MAP2K1: variants seen among roughly 807,000 people sequenced by gnomAD.
MAP2K1 encodes the protein mitogen-activated protein kinase kinase 1.
A neutral mutation model predicts 46.3 loss-of-function variants in MAP2K1; 16 were observed. That is an observed-to-expected ratio of 0.35 (90% CI 0.23 to 0.52). MAP2K1 has a LOEUF of 0.52. Among genes scored for constraint, MAP2K1 ranks in the 20% least tolerant of loss-of-function variants. MAP2K1 has a pLI of 0.94. For synonymous variants in MAP2K1, 183 were observed against 185.6 expected (o/e 0.99, Z 0.11); for missense variants, 263 against 497.1 (o/e 0.53, Z 4.48).
At chr15:66,423,284 A>C (rs11856317) in intron 1 of MAP2K1, among the ~76,000 whole-genome samples, 8,572 of 152,048 alleles carry the variant, frequency 0.056, 350 homozygotes, top group Middle Eastern at 0.11. Flanking sequence ...ACATGTTGTC[A>C]CCTTTAACAT....
At chr15:66,394,480 T>TTTTG in intron 1 of MAP2K1, among the ~76,000 whole-genome samples, 1 of 135,838 alleles carries the variant, frequency 7.4e-6, no homozygotes. Flanking sequence ...TTTTTTTTTT[T>TTTTG]GAGAGACAGG....
chr15:66,489,599 G>GA, intron 9 of MAP2K1, 119 bp from the exon 10 acceptor site: 1 of 832,400 alleles, frequency 1.2e-6, no homozygotes, highest in East Asian at 2.4e-5. Context: ...ACAGGAGGAT[G>GA]AATCAAGCCC....
At chr15:66,408,581 G>A (rs1377135846) in intron 1 of MAP2K1, among the ~76,000 whole-genome samples, 1 of 152,064 alleles carries the variant, frequency 6.6e-6, no homozygotes, top group African/African-American at 2.4e-5. Context: ...GGGGTCAAGA[G>A]GGGTGTTAAT....
intron 1 of MAP2K1, among the ~76,000 whole-genome samples, chr15:66,416,638 T>C (rs2093425307): frequency 1.3e-5 from 2 of 152,226 alleles, no homozygotes; most frequent in African/African-American, 4.8e-5. Flanking sequence ...TCCCTTTCTA[T>C]GTTTTTTCTC....
At chr15:66,402,213 C>T (rs1194485461) in intron 1 of MAP2K1, among the ~76,000 whole-genome samples, 1 of 152,148 alleles carries the variant, frequency 6.6e-6, no homozygotes, top group East Asian at 1.9e-4. Flanking sequence ...TAACATCTGT[C>T]ATCTCTACAC....
intron 5 of MAP2K1, among the ~76,000 whole-genome samples, chr15:66,448,807 G>T (rs920218096): frequency 6.6e-6 from 1 of 151,986 alleles, no homozygotes; most frequent in Non-Finnish European, 1.5e-5. Flanking sequence ...TTCAAGACCA[G>T]CCTGGCCAAC....
chr15:66,422,754 A>G (rs1215326280), intron 1 of MAP2K1, among the ~76,000 whole-genome samples: 1 of 151,136 alleles, frequency 6.6e-6, no homozygotes, highest in Non-Finnish European at 1.5e-5. Context: ...TTCGATCTGG[A>G]TGTTTGTTGT....
rs200607799 is a variant in MAP2K1, at chr15:66,478,507, T to TA, written c.569-3248_569-3247insA. ...ATATATAGAGGTATATATATATATA[T>TA]TTTTTTTTTGAGACAAGAGTGTCAC... On this transcript the variant is annotated intron_variant, in intron 5 of 10. Coordinates refer to ENST00000307102, the MANE Select transcript of MAP2K1 (RefSeq NM_002755.4). Among the ~76,000 whole-genome samples the TA allele has an allele frequency of 5.3e-3, 722 of 136,850 alleles. 3 individuals carry two copies. Among genetic ancestry groups the TA allele is most frequent in the East Asian group, 0.017 (84 of 5,006 alleles). The allele number at this position is 136,850 out of a possible 152,430, so 89.8% of individuals were successfully genotyped here.
At position 66,387,108 on chromosome 15, in the gene MAP2K1, G is replaced by A. The variant is rs1167019093; in HGVS notation, c.-240G>A. ...CGTTCAGCCCGCTCCGCTCCTGCAG[G>A]GCAGCCTTTCGGCTCTCTGCGCGCG... is the stretch of plus-strand genomic sequence containing the variant. On this transcript the variant is annotated 5_prime_UTR_variant, in exon 1 of 11. Transcript: ENST00000307102. The A allele has an allele frequency of 4.6e-6, 2 of 439,232 alleles. No homozygotes were observed. Among genetic ancestry groups the A allele is most frequent in the Non-Finnish European group, 8.0e-6 (2 of 249,822 alleles). The allele number at this position is 439,232 out of a possible 1,614,324, so 27.2% of individuals were successfully genotyped here.
At chr15:66,444,487 C>T (rs975570299) in intron 4 of MAP2K1, among the ~76,000 whole-genome samples, 169 bp from the exon 5 acceptor site, 6 of 152,134 alleles carry the variant, frequency 3.9e-5, no homozygotes, top group East Asian at 3.9e-4. Flanking sequence ...GAGCCGAGAT[C>T]GCGCCATTGC....
chr15:66,420,873 GTATATATATGTGTA>G (rs2093439385), intron 1 of MAP2K1, among the ~76,000 whole-genome samples: 1 of 101,416 alleles, frequency 9.9e-6, no homozygotes, highest in East Asian at 2.6e-4. Context: ...ATATATGTGT[GTATATATATGTGTA>G]TATATACACA....
At chr15:66,429,676 C>CAG (rs1374994821) in intron 1 of MAP2K1, among the ~76,000 whole-genome samples, 1 of 24,944 alleles carries the variant, frequency 4.0e-5, no homozygotes, top group South Asian at 3.0e-3. Context: ...CCCCCCCCCC[C>CAG]CCGTCCCCCC....
chr15:66,487,090 C>A, intron 7 of MAP2K1, 138 bp from the exon 8 acceptor site: 2 of 726,870 alleles, frequency 2.8e-6, no homozygotes. Context: ...CCTCTGTGTT[C>A]AAGCCTTATC....
At chr15:66,485,563 G>A (rs1893018015) in intron 7 of MAP2K1, among the ~76,000 whole-genome samples, 1 of 152,100 alleles carries the variant, frequency 6.6e-6, no homozygotes, top group South Asian at 2.1e-4. Context: ...GAGTAGCTGG[G>A]ACTACAGGTT....
intron 5 of MAP2K1, among the ~76,000 whole-genome samples, chr15:66,462,487 ACT>A (rs1395602841): frequency 3.2e-5 from 4 of 126,784 alleles, no homozygotes; most frequent in African/African-American, 7.3e-5. Context: ...ACAGAGCAAG[ACT>A]CTGTCTCAAA....
chr15:66,477,918 G>T (rs984278157), intron 5 of MAP2K1, among the ~76,000 whole-genome samples: 1 of 152,084 alleles, frequency 6.6e-6, no homozygotes, highest in Non-Finnish European at 1.5e-5. Flanking sequence ...ACCTCCAGGG[G>T]CCAGGTACCC....
chr15:66,396,041 T>C (rs1188528520), intron 1 of MAP2K1, among the ~76,000 whole-genome samples: 3 of 152,074 alleles, frequency 2.0e-5, no homozygotes, highest in East Asian at 1.9e-4. Context: ...TGAGTCTCAC[T>C]CTGTCCCCAG....
intron 5 of MAP2K1, among the ~76,000 whole-genome samples, chr15:66,452,557 C>T (rs1470934893): frequency 6.6e-6 from 1 of 152,098 alleles, no homozygotes; most frequent in Non-Finnish European, 1.5e-5. Context: ...CATTCTTAAG[C>T]ATGGAGTTAT....
At chr15:66,446,746 C>T in intron 5 of MAP2K1, 1 of 342,926 alleles carries the variant, frequency 2.9e-6, no homozygotes, top group South Asian at 2.6e-5. Context: ...CTGCTTATAG[C>T]CGGCAAAAAT....
Sources: gnomAD v4.1 joint callset for allele counts (sites outside exome capture counted in the v4.1 genomes callset) on GRCh38, gnomAD v4.1.1 for gene constraint, MANE v1.5 for transcripts, NCBI Gene and HGNC (gene_info 2026-07-23, HGNC 2026-07-21) for gene names.